CYFIP2: variants seen among roughly 807,000 people sequenced by gnomAD.
CYFIP2 encodes cytoplasmic FMR1-interacting protein 2.
CYFIP2 carries 29 observed loss-of-function variants against 158.7 expected under a neutral mutation model. The observed-to-expected ratio is 0.18, with a 90% CI of 0.14 to 0.25. The LOEUF (loss-of-function observed/expected upper bound fraction) is 0.25, where lower values mean the gene tolerates loss of function less well. Among genes scored for constraint, CYFIP2 ranks in the 10% least tolerant of loss-of-function variants. The pLI, the probability that CYFIP2 is intolerant of heterozygous loss-of-function variation, is 1.00. For synonymous variants in CYFIP2, 585 were observed against 617.6 expected (o/e 0.95, Z 0.78); for missense variants, 852 against 1,639.5 (o/e 0.52, Z 8.29).
intron 6 of CYFIP2, 106 bp downstream of exon 6, chr5:157,301,002 T>C: frequency 9.7e-7 from 1 of 1,035,274 alleles, no homozygotes; most frequent in South Asian, 2.1e-5. Flanking sequence ...GCTTTTTCTT[T>C]GATACCAAAC....
chr5:157,340,110 G>T, intron 22 of CYFIP2, among the ~76,000 whole-genome samples: 1 of 152,326 alleles, frequency 6.6e-6, no homozygotes, highest in South Asian at 2.1e-4. Context: ...AGGTGCACAC[G>T]GCCCGGGGCC....
Position 157,333,461 on chromosome 5 carries a change from G to A in CYFIP2, c.2385+15G>A. The A allele has an allele frequency of 1.9e-6, 3 of 1,613,930 alleles. No individual in the cohort carries two copies. Among genetic ancestry groups the A allele is most frequent in the Non-Finnish European group, 2.5e-6 (3 of 1,179,836 alleles). On this transcript the variant is annotated intron_variant, in intron 21 of 30. Transcript: ENST00000620254. ...CCTCCATTGTGGTAAGAGTCTGGGA[G>A]CGTGTGGGATTTCTGCTCTGTGATT...
At position 157,395,370 on chromosome 5, in the gene CYFIP2, A is replaced by G. The variant is rs1008540468; in HGVS notation, c.*2370A>G. 16 of 325,908 alleles carry G rather than the reference A, an allele frequency of 4.9e-5. No homozygotes were observed. The highest frequency in any genetic ancestry group is 2.9e-5 in the Non-Finnish European group (5 of 169,816). 20.2% of individuals were successfully genotyped at this position (325,908 alleles called of 1,614,324 possible). A position where few individuals can be genotyped will look rare whatever the true frequency, so the allele number is the denominator to read the frequency against. The stretch of plus-strand genomic sequence containing the variant: ...AATAATCTGTTTCAGAAACTGTCAA[A>G]TGTACCATATTTGTATTAAGAGTTG... On this transcript the variant is annotated 3_prime_UTR_variant, in exon 31 of 31. Coordinates refer to ENST00000620254, the MANE Select transcript of CYFIP2 (RefSeq NM_001037333.3).
chr5:157,273,987 T>C (rs1365347249), intron 1 of CYFIP2, among the ~76,000 whole-genome samples: 1 of 151,696 alleles, frequency 6.6e-6, no homozygotes, highest in Non-Finnish European at 1.5e-5. Context: ...ATACAAAAAT[T>C]AGCCAGGCAT....
At chr5:157,349,234 A>T (rs931168094) in intron 23 of CYFIP2, among the ~76,000 whole-genome samples, 4 of 152,164 alleles carry the variant, frequency 2.6e-5, no homozygotes, top group Non-Finnish European at 4.4e-5. Flanking sequence ...TACGAGCAGT[A>T]TACGCTATGC....
chr5:157,309,830 T>C lies in CYFIP2; in HGVS notation c.988T>C (p.Ser330Pro), dbSNP rs1216768680. The change falls in exon 10 of 31, where the codon TCC (serine) becomes CCC (proline). Residue 330 changes from serine (S) to proline (P), a missense_variant. Around this residue, in one of 8 missense-constraint regions of CYFIP2, gnomAD observed 133 missense variants for 197.1 expected, o/e 0.67. Transcript: ENST00000620254. ...CAGTGCTCACTATGAAGAGAACAAG[T>C]CCAAGTGAGTGCCTGCCGTAATGTC... Reference protein sequence around the residue: ...KTSAHYEENKSKWTCTQSSIS... With the variant: ...KTSAHYEENKPKWTCTQSSIS... 3 of 1,591,148 alleles carry C rather than the reference T, an allele frequency of 1.9e-6. No individual in the cohort carries two copies. The South Asian group carries it at 3.4e-5, about 18-fold the overall frequency.
At chr5:157,390,477 T>C in intron 29 of CYFIP2, 44 bp from the exon 30 acceptor site, 6 of 584,278 alleles carry the variant, frequency 1.0e-5, no homozygotes, top group Non-Finnish European at 1.2e-5. Flanking sequence ...CCTGCCCTCC[T>C]CCCCCGACCT....
At position 157,266,220 on chromosome 5, in the gene CYFIP2, G is replaced by GC. The variant is rs901593135; in HGVS notation, c.-24+27dup. On this transcript the variant is annotated intron_variant, in intron 1 of 30. Coordinates refer to ENST00000620254, the MANE Select transcript of CYFIP2 (RefSeq NM_001037333.3). This position sits in a 1 kb window ranked among gnomAD's most constrained non-coding sequence, Gnocchi z 4.2. The stretch of plus-strand genomic sequence containing the variant: ...GGTAAGCGGCCCTCGCAGGCCTCGG[G>GC]CCGGGCACGGGGACTAGGATGCCGC... The GC allele has an allele frequency of 6.6e-6, 1 of 150,942 alleles. No individual in the cohort carries two copies. The highest frequency in any genetic ancestry group is 1.5e-5 in the Non-Finnish European group (1 of 67,600). The allele number at this position is 150,942 out of a possible 1,614,324, so 9.4% of individuals were successfully genotyped here.
chr5:157,320,887 T>C, intron 15 of CYFIP2, 85 bp downstream of exon 15: 5 of 1,428,056 alleles, frequency 3.5e-6, no homozygotes, highest in Non-Finnish European at 3.7e-6. Flanking sequence ...CCATGGGCAG[T>C]GGGACTGGGA....
intron 9 of CYFIP2, 55 bp from the exon 10 acceptor site, chr5:157,309,688 C>T: frequency 6.6e-7 from 1 of 1,521,038 alleles, no homozygotes; most frequent in Non-Finnish European, 8.9e-7. Context: ...GCAGCGAAGG[C>T]AGCCACCCCA....
At chr5:157,328,646 C>A (rs924978313) in intron 19 of CYFIP2, among the ~76,000 whole-genome samples, 1 of 152,218 alleles carries the variant, frequency 6.6e-6, no homozygotes, top group Non-Finnish European at 1.5e-5. Flanking sequence ...CAGAGCACAC[C>A]AGCTTTGTAG....
chr5:157,290,792 GGGT>G (rs1757764045), intron 3 of CYFIP2, among the ~76,000 whole-genome samples: 5 of 152,198 alleles, frequency 3.3e-5, no homozygotes, highest in Non-Finnish European at 7.3e-5. Flanking sequence ...GCAGCAATGT[GGGT>G]GTATGAGATG....
intron 5 of CYFIP2, among the ~76,000 whole-genome samples, chr5:157,298,818 C>T (rs746562650): frequency 1.3e-5 from 2 of 152,178 alleles, no homozygotes; most frequent in South Asian, 2.1e-4. Context: ...AATCATATAA[C>T]GTGGTCTTTT....
Position 157,360,252 on chromosome 5 carries a change from G to C in CYFIP2, c.2818-30G>C, listed in dbSNP as rs369668572. ...CATACCCCGCATAGCCCAGAATTCA[G>C]CCCACTCATCTGTACTCTTCTTTTG... On this transcript the variant is annotated intron_variant, in intron 24 of 30. Transcript: ENST00000620254. The C allele has an allele frequency of 8.2e-6, 13 of 1,589,736 alleles. No individual in the cohort carries two copies. In the Middle Eastern group the frequency reaches 1.2e-3, roughly 143 times the overall value.
intron 26 of CYFIP2, chr5:157,379,873 AGCTGGCCATGCAG>A (rs1281761651): frequency 6.6e-6 from 1 of 152,142 alleles, no homozygotes; most frequent in East Asian, 1.9e-4. Flanking sequence ...ATGCATGCAA[AGCTGGCCATGCAG>A]GAGACTGGAG....
intron 3 of CYFIP2, among the ~76,000 whole-genome samples, chr5:157,293,010 A>ATATGTATGTATGTATG (rs57500401): frequency 6.9e-6 from 1 of 144,248 alleles, no homozygotes; most frequent in African/African-American, 2.7e-5. Flanking sequence ...TTGAGCCCAG[A>ATATGTATGTATGTATG]TATGTATGTA....
intron 23 of CYFIP2, among the ~76,000 whole-genome samples, chr5:157,353,645 G>A (rs187208281): frequency 6.6e-6 from 1 of 152,328 alleles, no homozygotes. Flanking sequence ...CGACAAGGAC[G>A]ATGCTGCTGT....
At position 157,311,207 on chromosome 5, in the gene CYFIP2, C is replaced by T. The variant is rs1238469807; in HGVS notation, c.993-457C>T. 2.5e-6 allele frequency: 1 copy of T among 405,864 alleles called. No individual in the cohort carries two copies. Among genetic ancestry groups the T allele is most frequent in the Non-Finnish European group, 4.9e-6 (1 of 203,552 alleles). 25.1% of individuals were successfully genotyped at this position (405,864 alleles called of 1,614,324 possible). A position where few individuals can be genotyped will look rare whatever the true frequency, so the allele number is the denominator to read the frequency against. ...CCAGGGCACTGTTGGAAAAGAGGCA[C>T]AGTCACATTCATATTTCCGCAATCC... On this transcript the variant is annotated intron_variant, in intron 10 of 30. Transcript: ENST00000620254. This position sits in a 1 kb window ranked among gnomAD's most constrained non-coding sequence, Gnocchi z 4.7.
intron 24 of CYFIP2, 129 bp downstream of exon 24, chr5:157,359,277 C>A: frequency 1.0e-6 from 1 of 973,014 alleles, no homozygotes; most frequent in Non-Finnish European, 1.5e-6. Flanking sequence ...GTAGAAACCA[C>A]TCAAGGAGTT....
Sources: allele counts gnomAD v4.1 joint callset (sites outside exome capture counted in the v4.1 genomes callset), GRCh38; gene constraint gnomAD v4.1.1; regional missense constraint gnomAD v4.1.1; non-coding constraint Gnocchi (gnomAD v3.1); transcripts MANE v1.5; gene names NCBI Gene and HGNC (gene_info 2026-07-23, HGNC 2026-07-21).